OR10K2: variants seen among roughly 807,000 people sequenced by gnomAD.
OR10K2 encodes olfactory receptor family 10 subfamily K member 2.
For missense variants in OR10K2, 401 were observed against 367.1 expected (o/e 1.09, Z -0.76); for synonymous variants, 169 against 146.4 (o/e 1.15, Z -1.11).
chr1:158,419,090 A>G lies in OR10K2; in HGVS notation c.*838T>C, dbSNP rs1241598363. On this transcript the variant is annotated 3_prime_UTR_variant, in exon 2 of 2. Transcript: ENST00000641042. Reference sequence around the variant, plus strand: ...CGTATTTCATTAATACACTAGAAGCATGGAAATGGATAACTTTTCATAATT... The same window carrying G: ...CGTATTTCATTAATACACTAGAAGCGTGGAAATGGATAACTTTTCATAATT... The G allele has an allele frequency of 1.9e-5, 3 of 154,512 alleles. No homozygotes were observed. Among genetic ancestry groups the G allele is most frequent in the Non-Finnish European group, 4.4e-5 (3 of 68,184 alleles). 9.6% of individuals were successfully genotyped at this position (154,512 alleles called of 1,614,324 possible).
intron 1 of OR10K2, among the ~76,000 whole-genome samples, chr1:158,424,403 G>T (rs969938163): frequency 6.6e-6 from 1 of 151,792 alleles, no homozygotes; most frequent in African/African-American, 2.4e-5. Context: ...TATGTTTTTT[G>T]GGAGCATTAT....
rs1199446618 is a variant in OR10K2, at chr1:158,420,692, T to C, written c.175A>G (p.Met59Val). The C allele has an allele frequency of 2.5e-6, 4 of 1,613,826 alleles. No homozygotes were observed. The highest frequency in any genetic ancestry group is 3.3e-5 in the Admixed American group (2 of 59,956). ...IVLDRALHIP[M>V]YFFLAILSCS... Reference sequence around the variant, plus strand: ...GAGAGGATGGCAAGGAAGAAGTACATGGGGATATGAAGGGCCCTGTCCAGG... The same window carrying C: ...GAGAGGATGGCAAGGAAGAAGTACACGGGGATATGAAGGGCCCTGTCCAGG... The change falls in exon 2 of 2, where the codon ATG becomes GTG. Residue 59 changes from methionine to valine, a missense_variant. Transcript: ENST00000641042.
chr1:158,420,457 C>A lies in OR10K2; in HGVS notation c.410G>T (p.Gly137Val). The A allele has an allele frequency of 6.2e-7, 1 of 1,613,926 alleles. No homozygotes were observed. Among genetic ancestry groups the A allele is most frequent in the Non-Finnish European group, 8.5e-7 (1 of 1,179,916 alleles). Reference protein sequence around the residue: ...CNPLRYSVLMGHGVCMGLVAA... With the variant: ...CNPLRYSVLMVHGVCMGLVAA... ...CACTAGTCCCATACACACCCCATGT[C>A]CCATTAGCACTGAGTAGCGCAGTGG... is the stretch of plus-strand genomic sequence containing the variant. The change falls in exon 2 of 2, where the codon GGA becomes GTA. Residue 137 changes from glycine to valine, a missense_variant. By Grantham distance (109) the Gly-to-Val change is moderately radical (BLOSUM62 -3). Transcript: ENST00000641042.
intron 1 of OR10K2, among the ~76,000 whole-genome samples, chr1:158,421,586 C>T (rs1308035631): frequency 2.0e-5 from 3 of 152,100 alleles, no homozygotes; most frequent in Non-Finnish European, 4.4e-5. Flanking sequence ...GCAGGGAGGA[C>T]CACAATCTTT....
chr1:158,422,589 G>C (rs1655179888), intron 1 of OR10K2, among the ~76,000 whole-genome samples: 1 of 151,980 alleles, frequency 6.6e-6, no homozygotes, highest in South Asian at 2.1e-4. Context: ...AAATCATAAA[G>C]ATAACCTTAC....
chr1:158,418,341 A>G lies in OR10K2; in HGVS notation c.*1587T>C, dbSNP rs1655079665. On this transcript the variant is annotated 3_prime_UTR_variant, in exon 2 of 2. Transcript: ENST00000641042. Reference sequence around the variant, plus strand: ...TAACATTGTTAAACTGTAGCACACAATGCAGCTATAAATAATTAACACATT... The same window carrying G: ...TAACATTGTTAAACTGTAGCACACAGTGCAGCTATAAATAATTAACACATT... The G allele has an allele frequency of 6.6e-6, 1 of 152,124 alleles. No individual in the cohort carries two copies. The highest frequency in any genetic ancestry group is 2.4e-5 in the African/African-American group (1 of 41,452). 9.4% of individuals were successfully genotyped at this position (152,124 alleles called of 1,614,324 possible). A position where few individuals can be genotyped will look rare whatever the true frequency, so the allele number is the denominator to read the frequency against.
chr1:158,424,034 G>A (rs1368445394), intron 1 of OR10K2, among the ~76,000 whole-genome samples: 2 of 151,978 alleles, frequency 1.3e-5, no homozygotes, highest in East Asian at 3.9e-4. Flanking sequence ...TATAAAATAA[G>A]TATAAACAAA....
intron 1 of OR10K2, among the ~76,000 whole-genome samples, chr1:158,424,737 C>CTGTTTGTGTGTGTG (rs1655218158): frequency 6.7e-6 from 1 of 149,358 alleles, no homozygotes; most frequent in Non-Finnish European, 1.5e-5. Context: ...ACAGTACAAT[C>CTGTTTGTGTGTGTG]TGTGTGTGTG....
Position 158,419,866 on chromosome 1 carries a change from C to G in OR10K2, c.*62G>C. On this transcript the variant is annotated 3_prime_UTR_variant, in exon 2 of 2. Coordinates refer to ENST00000641042, the MANE Select transcript of OR10K2 (RefSeq NM_001004476.2). The stretch of plus-strand genomic sequence containing the variant: ...ACCTCAGGTGATCCACCTGTCTCAG[C>G]CTTCCAAAATGCTGGGATTACAGTC... 1 of 1,432,654 alleles carries G rather than the reference C, an allele frequency of 7.0e-7. No homozygotes were observed. The highest frequency in any genetic ancestry group is 9.6e-7 in the Non-Finnish European group (1 of 1,043,074). The allele number at this position is 1,432,654 out of a possible 1,614,324, so 88.7% of individuals were successfully genotyped here.
chr1:158,422,924 C>T (rs1409168046), intron 1 of OR10K2, among the ~76,000 whole-genome samples: 1 of 152,002 alleles, frequency 6.6e-6, no homozygotes, highest in Non-Finnish European at 1.5e-5. Context: ...ATCTTGTATA[C>T]ATCCTTGAAA....
chr1:158,424,261 C>G (rs1453451347), intron 1 of OR10K2, among the ~76,000 whole-genome samples: 2 of 152,044 alleles, frequency 1.3e-5, no homozygotes, highest in Admixed American at 1.3e-4. Context: ...GCCCATGAAA[C>G]AAGACACACT....
At position 158,420,436 on chromosome 1, in the gene OR10K2, A is replaced by T; in HGVS notation, c.431T>A (p.Leu144Gln). 1 of 1,613,938 alleles carries T rather than the reference A, an allele frequency of 6.2e-7. No homozygotes were observed. Residue 144 changes from leucine (L) to glutamine (Q), a missense_variant, in exon 2 of 2, where the codon CTA becomes CAA. Coordinates refer to ENST00000641042, the MANE Select transcript of OR10K2 (RefSeq NM_001004476.2). ...GCCACAGGCACAGGCAGCAGCCACT[A>T]GTCCCATACACACCCCATGTCCCAT... ...VLMGHGVCMG[L>Q]VAAACACGFT...
intron 1 of OR10K2, among the ~76,000 whole-genome samples, chr1:158,423,104 G>A (rs955079898): frequency 1.3e-5 from 2 of 151,752 alleles, no homozygotes; most frequent in Non-Finnish European, 2.9e-5. Flanking sequence ...CCTTGCTCCT[G>A]GAAGAGTGCA....
In OR10K2 at chr1:158,420,583, AG is replaced by A; in HGVS notation, c.283del (p.Leu95TrpfsTer30). On this transcript the variant is annotated frameshift_variant, in exon 2 of 2. Transcript: ENST00000641042. LOFTEE classifies it low-confidence loss of function (END_TRUNC). ...LLSQKKTISF[L>X]GCAIQMFSFL... ...GGAAAACATTTGGATGGCACAGCCCAGGAAAGAAATGGTCTTCTTCTGGGAC... is the reference window on the plus strand; with the variant it reads ...GGAAAACATTTGGATGGCACAGCCCAGAAAGAAATGGTCTTCTTCTGGGAC... 1 of 1,613,952 alleles carries A rather than the reference AG, an allele frequency of 6.2e-7. No homozygotes were observed. Among genetic ancestry groups the A allele is most frequent in the Non-Finnish European group, 8.5e-7 (1 of 1,179,914 alleles).
intron 1 of OR10K2, among the ~76,000 whole-genome samples, chr1:158,425,085 C>A (rs966787565): frequency 1.3e-5 from 2 of 152,026 alleles, no homozygotes; most frequent in African/African-American, 4.8e-5. Context: ...AAGAACATAC[C>A]TTTCACATTG....
rs1471789074 is a variant in OR10K2, at chr1:158,423,314, AC to A, written c.-61-2388del. ...AATTCTATATTCTCTAGTTTTTAGT[AC>A]TACTAATAAATTTCTACATGTAGAA... On this transcript the variant is annotated intron_variant, in intron 1 of 1. Coordinates refer to ENST00000641042, the MANE Select transcript of OR10K2 (RefSeq NM_001004476.2). 1.6e-4 allele frequency among the ~76,000 whole-genome samples: 24 copies of A among 149,422 alleles called. No homozygotes were observed. The South Asian group carries it at 2.3e-3, about 14-fold the overall frequency.
intron 1 of OR10K2, among the ~76,000 whole-genome samples, chr1:158,425,345 T>C (rs1655231672): frequency 6.6e-6 from 1 of 152,112 alleles, no homozygotes; most frequent in Non-Finnish European, 1.5e-5. Context: ...TGAGTGGATG[T>C]GTTAGCAATG....
Position 158,422,424 on chromosome 1 carries a change from C to T in OR10K2, c.-61-1497G>A, listed in dbSNP as rs59544945. On this transcript the variant is annotated intron_variant, in intron 1 of 1. Transcript: ENST00000641042. ...GCACCACATAAAACTAAGTCTGGCC[C>T]ATTTAAATCTGAAAGAGAAATCTCT... Among the ~76,000 whole-genome samples the T allele has an allele frequency of 8.1e-3, 1,239 of 152,100 alleles. 18 individuals are homozygous for T. Among genetic ancestry groups the T allele is most frequent in the African/African-American group, 0.029 (1,189 of 41,530 alleles).
chr1:158,421,052 C>T lies in OR10K2; in HGVS notation c.-61-125G>A, dbSNP rs554859979. The T allele has an allele frequency of 9.6e-6, 6 of 623,718 alleles. No individual in the cohort carries two copies. In the East Asian group the frequency reaches 1.1e-4, roughly 12 times the overall value. The allele number at this position is 623,718 out of a possible 1,614,324, so 38.6% of individuals were successfully genotyped here. ...CATGATGTTGCTAAAATCAGGCAAG[C>T]GTTCATCAAACTTTGAGTCTCCATA... On this transcript the variant is annotated intron_variant, in intron 1 of 1. Coordinates refer to ENST00000641042, the MANE Select transcript of OR10K2 (RefSeq NM_001004476.2).
Sources: allele counts gnomAD v4.1 joint callset (sites outside exome capture counted in the v4.1 genomes callset), GRCh38; gene constraint gnomAD v4.1.1; transcripts MANE v1.5; gene names NCBI Gene and HGNC (gene_info 2026-07-23, HGNC 2026-07-21).